Variants in PRRG1 observed in about 807,000 individuals in gnomAD.
The protein encoded by PRRG1 is transmembrane gamma-carboxyglutamic acid protein 1.
PRRG1 carries 5 observed loss-of-function variants against 11.8 expected under a neutral mutation model. The observed-to-expected ratio is 0.42, with a 90% CI of 0.22 to 0.89. The LOEUF (loss-of-function observed/expected upper bound fraction) is 0.89. Among genes scored for constraint, PRRG1 ranks in the 40% least tolerant of loss-of-function variants. The pLI is 0.28. For missense variants in PRRG1, 155 were observed against 166.1 expected (o/e 0.93, Z 0.37); for synonymous variants, 66 against 60.4 (o/e 1.09, Z -0.43).
At chrX:37,402,011 C>A (rs782405825) in intron 1 of PRRG1, among the ~76,000 whole-genome samples, 75 of 111,606 alleles carry the variant, frequency 6.7e-4, no homozygotes, top group African/African-American at 2.4e-3. Context: ...GAAGAACATT[C>A]CACGCTCATG....
chrX:37,377,765 A>G (rs1556372806), intron 1 of PRRG1, among the ~76,000 whole-genome samples: 6 of 111,838 alleles, frequency 5.4e-5, no homozygotes, highest in Non-Finnish European at 3.8e-5. Context: ...GATTAATCCA[A>G]GTATTCAGTA....
At chrX:37,403,777 G>A in intron 1 of PRRG1, 2 of 752,719 alleles carry the variant, frequency 2.7e-6, no homozygotes, top group South Asian at 1.4e-4. Context: ...GAAGCAAGGA[G>A]GTAACCTGGG....
intron 3 of PRRG1, among the ~76,000 whole-genome samples, chrX:37,442,842 G>A (rs782030247): frequency 9.0e-6 from 1 of 111,262 alleles, no homozygotes. Context: ...CCTGCATATT[G>A]CCCTTACAAA....
At chrX:37,396,845 G>T (rs1274231275) in intron 1 of PRRG1, among the ~76,000 whole-genome samples, 1 of 110,670 alleles carries the variant, frequency 9.0e-6, no homozygotes, top group Non-Finnish European at 1.9e-5. Flanking sequence ...ATTCTTTCTT[G>T]TAGGGGGCTG....
chrX:37,450,158 C>T (rs1921064875), intron 3 of PRRG1, among the ~76,000 whole-genome samples: 2 of 112,221 alleles, frequency 1.8e-5, no homozygotes, highest in African/African-American at 6.5e-5. Flanking sequence ...CAAACTGGTT[C>T]TGAATTACTT....
intron 1 of PRRG1, among the ~76,000 whole-genome samples, chrX:37,381,768 GA>G (rs1931161242): frequency 9.0e-6 from 1 of 111,491 alleles, no homozygotes; most frequent in African/African-American, 3.3e-5. Context: ...ATTTGATACA[GA>G]AATATTAAAT....
At chrX:37,413,540 A>G (rs1427308973) in intron 2 of PRRG1, among the ~76,000 whole-genome samples, 3 of 111,508 alleles carry the variant, frequency 2.7e-5, no homozygotes, top group Non-Finnish European at 5.7e-5. Context: ...TGGTAAGAGT[A>G]TGTTTAGTTT....
intron 1 of PRRG1, among the ~76,000 whole-genome samples, chrX:37,367,794 A>G (rs1229645191): frequency 8.9e-5 from 10 of 112,448 alleles, no homozygotes; most frequent in Non-Finnish European, 5.6e-5. Flanking sequence ...TTCTTCAAAT[A>G]GAGATATTCT....
chrX:37,394,186 A>T (rs1264073054), intron 1 of PRRG1, among the ~76,000 whole-genome samples: 2 of 112,296 alleles, frequency 1.8e-5, no homozygotes, highest in Admixed American at 9.5e-5. Context: ...AACAAATACC[A>T]GTTGAATTTC....
At chrX:37,432,441 C>T (rs1364486085) in intron 3 of PRRG1, among the ~76,000 whole-genome samples, 1 of 111,607 alleles carries the variant, frequency 9.0e-6, no homozygotes, top group African/African-American at 3.3e-5. Flanking sequence ...CTCAGTGCTT[C>T]TATATATCAT....
intron 1 of PRRG1, among the ~76,000 whole-genome samples, chrX:37,374,960 T>C (rs1930890466): frequency 9.0e-6 from 1 of 111,627 alleles, no homozygotes; most frequent in Non-Finnish European, 1.9e-5. Flanking sequence ...GTTTTATGTT[T>C]ATTTGGTTAG....
chrX:37,381,081 C>T (rs1391131374), intron 1 of PRRG1, among the ~76,000 whole-genome samples: 1 of 111,521 alleles, frequency 9.0e-6, no homozygotes, highest in African/African-American at 3.3e-5. Context: ...CTCAGGACTG[C>T]TGTTCTTTTT....
At chrX:37,404,223 C>T (rs1431890842) in intron 1 of PRRG1, among the ~76,000 whole-genome samples, 1 of 112,182 alleles carries the variant, frequency 8.9e-6, no homozygotes, top group African/African-American at 3.2e-5. Context: ...GCCACTCTCA[C>T]ACCTCAAATC....
At position 37,453,826 on chromosome X, in the gene PRRG1, G is replaced by C; in HGVS notation, c.*205G>C. The C allele has an allele frequency of 2.4e-6, 1 of 415,376 alleles. No homozygotes were observed. Among genetic ancestry groups the C allele is most frequent in the Non-Finnish European group, 3.9e-6 (1 of 256,731 alleles). 34.2% of individuals were successfully genotyped at this position (415,376 alleles called of 1,213,427 possible). On this transcript the variant is annotated 3_prime_UTR_variant, in exon 4 of 4. Transcript: ENST00000378628. ...ATTTTTGCTAGGGGAAATATATGAAGAGGGAAAACATACTAATGGGGGTCT... is the reference window on the plus strand; with the variant it reads ...ATTTTTGCTAGGGGAAATATATGAACAGGGAAAACATACTAATGGGGGTCT...
chrX:37,420,660 C>T (rs1193036404), intron 2 of PRRG1, among the ~76,000 whole-genome samples: 1 of 80,149 alleles, frequency 1.2e-5, no homozygotes, highest in African/African-American at 5.7e-5. Flanking sequence ...GGAAAAACCC[C>T]GTCTATGCAA....
chrX:37,413,983 C>T (rs1932422818), intron 2 of PRRG1, among the ~76,000 whole-genome samples: 1 of 111,754 alleles, frequency 8.9e-6, no homozygotes, highest in African/African-American at 3.2e-5. Context: ...ACCATATAGC[C>T]TAGGTGTATA....
At chrX:37,349,775 A>G (rs901555424) in intron 1 of PRRG1, among the ~76,000 whole-genome samples, 1 of 110,742 alleles carries the variant, frequency 9.0e-6, no homozygotes, top group Non-Finnish European at 1.9e-5. Flanking sequence ...CCCTTCCTCC[A>G]GCGCTGCTTT....
rs781890806 is a variant in PRRG1, at chrX:37,372,275, T to C, written c.-42+22880T>C. On this transcript the variant is annotated intron_variant, in intron 1 of 3. Transcript: ENST00000378628. ...AGACTGTTTGTATGTCTTTGAGAAATGTCTGTCAGGTACTTTGCCCATTTT... is the reference window on the plus strand; with the variant it reads ...AGACTGTTTGTATGTCTTTGAGAAACGTCTGTCAGGTACTTTGCCCATTTT... 1.1e-4 allele frequency among the ~76,000 whole-genome samples: 12 copies of C among 112,073 alleles called. No homozygotes were observed. The South Asian group carries it at 4.5e-3, about 42-fold the overall frequency.
intron 3 of PRRG1, among the ~76,000 whole-genome samples, chrX:37,446,209 A>T (rs2146634615): frequency 8.9e-6 from 1 of 112,254 alleles, no homozygotes; most frequent in African/African-American, 3.2e-5. Flanking sequence ...AGTATAGAAG[A>T]TACTTTTGGT....
Sources: allele counts gnomAD v4.1 joint callset (sites outside exome capture counted in the v4.1 genomes callset), GRCh38; gene constraint gnomAD v4.1.1; transcripts MANE v1.5; gene names NCBI Gene and HGNC (gene_info 2026-07-23, HGNC 2026-07-21).